WWC1: variants seen among roughly 807,000 people sequenced by gnomAD.
The protein encoded by WWC1 is protein KIBRA.
Under a neutral mutation model 138.4 loss-of-function variants are expected in WWC1, and 55 were observed. That is an observed-to-expected ratio of 0.40 (90% CI 0.32 to 0.50). WWC1 has a LOEUF of 0.50. Ranked by LOEUF, WWC1 falls within the 20% of genes least tolerant of loss-of-function variation. WWC1 has a pLI of 0.72. For missense variants in WWC1, 1,226 were observed against 1,420.4 expected (o/e 0.86, Z 2.20); for synonymous variants, 524 against 564.9 (o/e 0.93, Z 1.03).
chr5:168,399,599 G>T lies in WWC1; in HGVS notation c.590+32G>T, dbSNP rs1360923489. On this transcript the variant is annotated intron_variant, in intron 5 of 22. Transcript: ENST00000265293. ...ACACCCTGCATCCCAGAGCATGGGG[G>T]CTGCTCCCCACCCTGGTTCCCCTCC... 1.9e-6 allele frequency: 3 copies of T among 1,607,690 alleles called. No individual in the cohort carries two copies. The South Asian group carries it at 3.3e-5, about 18-fold the overall frequency.
chr5:168,399,288 T>G (rs1779137366), intron 4 of WWC1, among the ~76,000 whole-genome samples, 200 bp from the exon 5 acceptor site: 1 of 152,194 alleles, frequency 6.6e-6, no homozygotes, highest in Non-Finnish European at 1.5e-5. Context: ...CCTGGGATGC[T>G]GACTGAATGG....
chr5:168,452,705 C>T (rs1056338229), intron 17 of WWC1, among the ~76,000 whole-genome samples: 3 of 152,154 alleles, frequency 2.0e-5, no homozygotes, highest in African/African-American at 7.2e-5. Context: ...TTTATTCATA[C>T]TTGCTTGGAA....
intron 7 of WWC1, 140 bp downstream of exon 7, chr5:168,408,793 C>T: frequency 8.6e-7 from 1 of 1,166,788 alleles, no homozygotes. Context: ...CCTCAGCCCT[C>T]TGGAGCTCTG....
intron 1 of WWC1, among the ~76,000 whole-genome samples, chr5:168,321,774 T>C (rs1561606890): frequency 1.3e-5 from 2 of 152,192 alleles, no homozygotes; most frequent in Non-Finnish European, 2.9e-5. Context: ...CGACCTCAGG[T>C]GATCCGCCTG....
intron 5 of WWC1, 127 bp from the exon 6 acceptor site, chr5:168,406,071 A>G: frequency 8.3e-7 from 1 of 1,200,232 alleles, no homozygotes; most frequent in South Asian, 1.5e-5. Flanking sequence ...CTAGGGAGGA[A>G]GGGTTAGCAG....
At chr5:168,352,680 T>C (rs567256620) in intron 1 of WWC1, among the ~76,000 whole-genome samples, 2 of 151,348 alleles carry the variant, frequency 1.3e-5, no homozygotes, top group South Asian at 4.2e-4. Context: ...GCCTCCCAGG[T>C]TCAAGCAATT....
rs1757648029 is a variant in WWC1, at chr5:168,470,906, GT to G, written c.*1890del. 3 of 152,178 alleles carry G rather than the reference GT, an allele frequency of 2.0e-5. No individual in the cohort carries two copies. The highest frequency in any genetic ancestry group is 7.2e-5 in the African/African-American group (3 of 41,428). 9.4% of individuals were successfully genotyped at this position (152,178 alleles called of 1,614,324 possible). A position where few individuals can be genotyped will look rare whatever the true frequency, so the allele number is the denominator to read the frequency against. ...GAACTATCCCGCCCACCCTGGGACG[GT>G]CCCCAGTGCCAGTGTTTTACCCATG... On this transcript the variant is annotated 3_prime_UTR_variant, in exon 23 of 23. Coordinates refer to ENST00000265293, the MANE Select transcript of WWC1 (RefSeq NM_015238.3).
At chr5:168,303,265 T>A (rs1770257961) in intron 1 of WWC1, among the ~76,000 whole-genome samples, 1 of 152,180 alleles carries the variant, frequency 6.6e-6, no homozygotes, top group African/African-American at 2.4e-5. Flanking sequence ...GCCTGACCAG[T>A]AGCAAAATCC....
At chr5:168,450,306 C>G (rs1410390027) in intron 17 of WWC1, among the ~76,000 whole-genome samples, 2 of 151,950 alleles carry the variant, frequency 1.3e-5, no homozygotes, top group African/African-American at 4.8e-5. Flanking sequence ...GTCCCTTCAG[C>G]AAATGGTGTT....
chr5:168,399,445 T>C, intron 4 of WWC1, 43 bp from the exon 5 acceptor site: 1 of 1,609,924 alleles, frequency 6.2e-7, no homozygotes, highest in Non-Finnish European at 8.5e-7. Flanking sequence ...CACCTTGGTG[T>C]CAGCCTCTGA....
At chr5:168,372,721 T>C (rs1776853501) in intron 2 of WWC1, among the ~76,000 whole-genome samples, 1 of 152,226 alleles carries the variant, frequency 6.6e-6, no homozygotes, top group South Asian at 2.1e-4. Flanking sequence ...GTTGTACTTC[T>C]CCACCTACTT....
chr5:168,435,871 CAG>C (rs1311052536), intron 15 of WWC1, among the ~76,000 whole-genome samples: 1 of 151,452 alleles, frequency 6.6e-6, no homozygotes, highest in East Asian at 1.9e-4. Context: ...ATTTTTGAGA[CAG>C]AGTCTGTTGC....
At chr5:168,317,874 C>T (rs964701090) in intron 1 of WWC1, among the ~76,000 whole-genome samples, 4 of 152,074 alleles carry the variant, frequency 2.6e-5, no homozygotes, top group African/African-American at 7.2e-5. Flanking sequence ...TTGAATGATG[C>T]GTTATCAGTG....
chr5:168,347,267 G>A (rs1252563685), intron 1 of WWC1, among the ~76,000 whole-genome samples: 2 of 152,280 alleles, frequency 1.3e-5, no homozygotes, highest in Non-Finnish European at 2.9e-5. Context: ...CGAGTTAACC[G>A]CTGTCAGTCA....
intron 17 of WWC1, among the ~76,000 whole-genome samples, chr5:168,449,878 G>A (rs180743665): frequency 1.3e-5 from 2 of 152,152 alleles, no homozygotes; most frequent in Non-Finnish European, 2.9e-5. Flanking sequence ...CCCGCCAACA[G>A]CTCTTTTATT....
chr5:168,394,173 C>T (rs191077615), intron 3 of WWC1, among the ~76,000 whole-genome samples: 1 of 151,864 alleles, frequency 6.6e-6, no homozygotes, highest in African/African-American at 2.4e-5. Context: ...TAAGTAATGC[C>T]GAAAACAGAA....
chr5:168,366,884 G>A (rs1364627769), intron 1 of WWC1, among the ~76,000 whole-genome samples: 2 of 134,762 alleles, frequency 1.5e-5, no homozygotes, highest in African/African-American at 2.9e-5. Context: ...TGCAGCCTCC[G>A]CCTCCCAGGT....
At position 168,397,776 on chromosome 5, in the gene WWC1, T is replaced by C. The variant is rs1779009580; in HGVS notation, c.486T>C (p.Ala162=). The change falls in exon 4 of 23, where the codon GCT becomes GCC. Residue 162 remains alanine, a synonymous_variant. Coordinates refer to ENST00000265293, the MANE Select transcript of WWC1 (RefSeq NM_015238.3). ...SSKYDPEILK[A]EIATAKSRVN... ...AGTATGACCCTGAGATCCTGAAAGCTGAAATTGCCACTGCAAAATCCCGGG... is the reference window on the plus strand; with the variant it reads ...AGTATGACCCTGAGATCCTGAAAGCCGAAATTGCCACTGCAAAATCCCGGG... 2 of 1,614,128 alleles carry C rather than the reference T, an allele frequency of 1.2e-6. No individual in the cohort carries two copies. The highest frequency in any genetic ancestry group is 1.7e-6 in the Non-Finnish European group (2 of 1,179,960).
Position 168,464,720 on chromosome 5 carries a change from C to A in WWC1, c.2917-9C>A. 6.2e-7 allele frequency: 1 copy of A among 1,614,102 alleles called. No homozygotes were observed. Among genetic ancestry groups the A allele is most frequent in the Non-Finnish European group, 8.5e-7 (1 of 1,179,978 alleles). ...CTAATAACAAGAGAAGCCGTCCCCACCCCCACAGCCTTCCTCGGTCAAGTC... is the reference window on the plus strand; with the variant it reads ...CTAATAACAAGAGAAGCCGTCCCCAACCCCACAGCCTTCCTCGGTCAAGTC... On this transcript the variant is annotated splice_polypyrimidine_tract_variant and intron_variant, in intron 20 of 22. Coordinates refer to ENST00000265293, the MANE Select transcript of WWC1 (RefSeq NM_015238.3).
Sources: allele counts gnomAD v4.1 joint callset (sites outside exome capture counted in the v4.1 genomes callset), GRCh38; gene constraint gnomAD v4.1.1; transcripts MANE v1.5; gene names NCBI Gene and HGNC (gene_info 2026-07-23, HGNC 2026-07-21).